Variants in WDR47 observed in about 807,000 individuals in gnomAD.
WDR47 encodes WD repeat-containing protein 47.
WDR47 carries 32 observed loss-of-function variants against 97.2 expected under a neutral mutation model. That is an observed-to-expected ratio of 0.33 (90% CI 0.25 to 0.44). WDR47 has a LOEUF of 0.44. Among genes scored for constraint, WDR47 ranks in the 20% least tolerant of loss-of-function variants. The pLI is 1.00. For synonymous variants in WDR47, 375 were observed against 373.5 expected, an observed-to-expected ratio of 1.00 and a Z score of -0.05; for missense variants, 782 against 1,102.3, an observed-to-expected ratio of 0.71 and a Z score of 4.11.
chr1:109,017,625 C>T (rs754347376), intron 2 of WDR47, 24 bp from the exon 3 acceptor site: 4 of 1,582,330 alleles, frequency 2.5e-6, no homozygotes, highest in Non-Finnish European at 3.4e-6. Context: ...TTAAAAAAAC[C>T]AGCATGTCAC....
intron 6 of WDR47, among the ~76,000 whole-genome samples, chr1:109,004,321 G>A (rs1249138572): frequency 6.6e-6 from 1 of 151,770 alleles, no homozygotes; most frequent in Admixed American, 6.6e-5. Context: ...AATTACTTGA[G>A]TCGCAAAGCA....
rs145842744 is a variant in WDR47 at position 108,983,284 on chromosome 1, G to A, written c.2093C>T (p.Thr698Ile). The change falls in exon 11 of 15, where the codon ACA becomes ATA. Residue 698 changes from threonine (T) to isoleucine (I), a missense_variant and splice_region_variant. This residue lies in a region of WDR47 where 228 missense variants were observed against 396.7 expected (regional missense o/e 0.57). Transcript: ENST00000369962. ...CTGCTTACATACTTGGGCCCTACCTGTTGCGTTACAAGTCTCTGCATTGAA... is the reference window on the plus strand; with the variant it reads ...CTGCTTACATACTTGGGCCCTACCTATTGCGTTACAAGTCTCTGCATTGAA... ...LPFNAETCNA[T>I]GPDLEFSMHD... is the part of the protein sequence containing the mutation. The A allele has an allele frequency of 3.6e-5, 57 of 1,603,672 alleles. No individual in the cohort carries two copies. The African/African-American group carries it at 7.2e-4, about 20-fold the overall frequency.
At position 109,025,297 on chromosome 1, in the gene WDR47, C is replaced by T. The variant is rs192885947; in HGVS notation, c.-9-1776G>A. Among the ~76,000 whole-genome samples, 229 of 151,760 alleles carry T rather than the reference C, an allele frequency of 1.5e-3. 1 individual carries two copies. The highest frequency in any genetic ancestry group is 5.1e-3 in the African/African-American group (211 of 41,382). On this transcript the variant is annotated intron_variant, in intron 1 of 14. Transcript: ENST00000369962. ...TACCAAAAATATAACAATCAGCCAG[C>T]ATGTGTGCCTGTAGTTCCAGTTACT...
At chr1:108,974,250 G>A (rs186933884) in intron 14 of WDR47, among the ~76,000 whole-genome samples, 108 of 152,222 alleles carry the variant, frequency 7.1e-4, no homozygotes, top group African/African-American at 2.5e-3. Flanking sequence ...AGCACTTTGG[G>A]AGACGAAGGC....
chr1:108,994,209 A>G (rs1168466875), intron 8 of WDR47, among the ~76,000 whole-genome samples: 1 of 152,154 alleles, frequency 6.6e-6, no homozygotes. Flanking sequence ...CAGCCTGGCC[A>G]ACATGGTGAA....
chr1:109,019,319 G>A (rs777367321), intron 2 of WDR47, among the ~76,000 whole-genome samples: 9 of 146,366 alleles, frequency 6.1e-5, no homozygotes, highest in Admixed American at 4.9e-4. Flanking sequence ...TACAAGGCAC[G>A]TTACAGTGAG....
intron 2 of WDR47, among the ~76,000 whole-genome samples, chr1:109,021,108 A>G (rs1661805977): frequency 6.6e-6 from 1 of 151,970 alleles, no homozygotes; most frequent in Admixed American, 6.6e-5. Context: ...CAAATTTGGG[A>G]TTTTCCGTTT....
At chr1:108,992,964 C>T in intron 8 of WDR47, 1 of 670,668 alleles carries the variant, frequency 1.5e-6, no homozygotes, top group Non-Finnish European at 2.5e-6. Flanking sequence ...TTAAAAGGGC[C>T]CATGAAATAC....
chr1:109,025,826 A>C (rs1571245236), intron 1 of WDR47, among the ~76,000 whole-genome samples: 1 of 152,162 alleles, frequency 6.6e-6, no homozygotes, highest in Non-Finnish European at 1.5e-5. Flanking sequence ...ACTCACTCAA[A>C]TATTTAATGA....
At chr1:109,029,252 C>T (rs932800124) in intron 1 of WDR47, among the ~76,000 whole-genome samples, 6 of 152,140 alleles carry the variant, frequency 3.9e-5, no homozygotes, top group African/African-American at 1.4e-4. Context: ...CTGCCGGGCG[C>T]AGTGGCTCAT....
At position 109,017,433 on chromosome 1, in the gene WDR47, AAAAATG is replaced by A. The variant is rs1240151827; in HGVS notation, c.242+79_242+84del. On this transcript the variant is annotated intron_variant, in intron 3 of 14. Coordinates refer to ENST00000369962, the MANE Select transcript of WDR47 (RefSeq NM_001142551.2). ...CTCTGTTCAAGGCCAGTGGAGAAAG[AAAAATG>A]AAAATGAAAATTTTTGTTCATTGTT... 39 of 1,174,660 alleles carry A rather than the reference AAAAATG, an allele frequency of 3.3e-5. No individual in the cohort carries two copies. In the East Asian group the frequency reaches 9.3e-4, roughly 28 times the overall value. The allele number at this position is 1,174,660 out of a possible 1,614,324, so 72.8% of individuals were successfully genotyped here.
At chr1:108,982,223 T>C (rs983620041) in intron 12 of WDR47, among the ~76,000 whole-genome samples, 1 of 151,678 alleles carries the variant, frequency 6.6e-6, no homozygotes, top group Admixed American at 6.6e-5. Flanking sequence ...TAAAACTCAG[T>C]AAAATGCACA....
Position 109,002,284 on chromosome 1 carries a change from C to A in WDR47, c.1373G>T (p.Gly458Val). Reference sequence around the variant, plus strand: ...ATCAGGACCATCCTCCTGATTCACGCCTCCTTCAAGCAACATCTGTTGGTA... The same window carrying A: ...ATCAGGACCATCCTCCTGATTCACGACTCCTTCAAGCAACATCTGTTGGTA... ...QIYQQMLLEG[G>V]VNQEDGPDQQ... The change falls in exon 7 of 15, where the codon GGC becomes GTC. Residue 458 changes from glycine (G) to valine (V), a missense_variant. Around this residue, in one of 3 missense-constraint regions of WDR47, gnomAD observed 428 missense variants for 584.3 expected, o/e 0.73. Transcript: ENST00000369962. 1 of 1,612,468 alleles carries A rather than the reference C, an allele frequency of 6.2e-7. No individual in the cohort carries two copies. The highest frequency in any genetic ancestry group is 8.5e-7 in the Non-Finnish European group (1 of 1,179,778).
At chr1:109,020,572 A>C (rs367673328) in intron 2 of WDR47, among the ~76,000 whole-genome samples, 72 of 152,124 alleles carry the variant, frequency 4.7e-4, no homozygotes, top group African/African-American at 1.7e-3. Context: ...GAACATATTT[A>C]GTTTAATGAA....
At chr1:109,006,707 T>C (rs1660651623) in intron 5 of WDR47, among the ~76,000 whole-genome samples, 1 of 152,200 alleles carries the variant, frequency 6.6e-6, no homozygotes, top group Admixed American at 6.5e-5. Context: ...GAGCTTGAAC[T>C]TGAACTCAGG....
chr1:108,996,161 C>A (rs1256024084), intron 7 of WDR47, among the ~76,000 whole-genome samples: 6 of 152,108 alleles, frequency 3.9e-5, no homozygotes, highest in Admixed American at 3.9e-4. Flanking sequence ...TGGGCTCAAG[C>A]AATCCTTCCA....
intron 1 of WDR47, among the ~76,000 whole-genome samples, chr1:109,031,435 T>C (rs1338056195): frequency 1.4e-5 from 2 of 139,694 alleles, no homozygotes; most frequent in African/African-American, 5.1e-5. Context: ...GTGATACTGG[T>C]TGTATCCTAG....
At chr1:108,978,147 C>T (rs932667848) in intron 13 of WDR47, among the ~76,000 whole-genome samples, 2 of 149,808 alleles carry the variant, frequency 1.3e-5, no homozygotes, top group Non-Finnish European at 3.0e-5. Context: ...TACAGTGTCC[C>T]GTAAATAAAG....
intron 6 of WDR47, among the ~76,000 whole-genome samples, chr1:109,004,092 G>A (rs369832851): frequency 1.8e-4 from 28 of 151,858 alleles, no homozygotes; most frequent in Admixed American, 3.9e-4. Context: ...GTGAAATCCC[G>A]TCTCTACTAA....
Sources: allele counts gnomAD v4.1 joint callset (sites outside exome capture counted in the v4.1 genomes callset), GRCh38; gene constraint gnomAD v4.1.1; regional missense constraint gnomAD v4.1.1; transcripts MANE v1.5; gene names NCBI Gene and HGNC (gene_info 2026-07-23, HGNC 2026-07-21).